SLC28A1: variants seen among roughly 807,000 people sequenced by gnomAD.
The protein encoded by SLC28A1 is sodium/nucleoside cotransporter 1.
SLC28A1 carries 64 observed loss-of-function variants against 74.8 expected under a neutral mutation model. That is an observed-to-expected ratio of 0.86 (90% CI 0.70 to 1.05). The LOEUF (loss-of-function observed/expected upper bound fraction) is 1.05. Ranked by LOEUF, SLC28A1 falls within the 50% of genes least tolerant of loss-of-function variation. The pLI is 0.00. For synonymous variants in SLC28A1, 359 were observed against 335.0 expected (o/e 1.07, Z -0.78); for missense variants, 828 against 822.8 (o/e 1.01, Z -0.08).
chr15:84,950,028 T>C (rs992089364), downstream of SLC28A1, among the ~76,000 whole-genome samples: 4 of 152,280 alleles, frequency 2.6e-5, no homozygotes, highest in East Asian at 7.7e-4. Context: ...AATGGTGGAA[T>C]GGGGACAATT....
chr15:84,957,354 C>T, the SLC28A1 span, among the ~76,000 whole-genome samples: 7 of 152,202 alleles, frequency 4.6e-5, no homozygotes, highest in East Asian at 1.3e-3. Flanking sequence ...GCAACCTCTG[C>T]CTCCTGGGTT....
intron 12 of SLC28A1, among the ~76,000 whole-genome samples, chr15:84,928,386 A>C (rs907468917): frequency 2.0e-5 from 3 of 151,540 alleles, no homozygotes; most frequent in Non-Finnish European, 4.4e-5. Flanking sequence ...CTGGCTCATG[A>C]CAGTCACTGC....
rs929898493 is a variant in SLC28A1 at position 84,906,563 on chromosome 15, T to G, written c.717+911T>G. Among the ~76,000 whole-genome samples, 185 of 68,030 alleles carry G rather than the reference T, an allele frequency of 2.7e-3. 8 individuals are homozygous for G. The highest frequency in any genetic ancestry group is 0.012 in the African/African-American group (179 of 15,076). The allele number at this position is 68,030 out of a possible 152,430, so 44.6% of individuals were successfully genotyped here. A position where few individuals can be genotyped will look rare whatever the true frequency, so the allele number is the denominator to read the frequency against. ...TTCTTTCTTTCTTTCTTTCTTTCTT[T>G]CTCTTTCTTTCTTCCTTCCTTCCTT... On this transcript the variant is annotated intron_variant, in intron 8 of 18. Transcript: ENST00000394573.
At chr15:84,950,608 G>A (rs1278719031), downstream of SLC28A1, among the ~76,000 whole-genome samples, 1 of 152,152 alleles carries the variant, frequency 6.6e-6, no homozygotes, top group African/African-American at 2.4e-5. Context: ...TCACGAGGTT[G>A]AGGTGGGAGG....
At chr15:84,940,119 C>T (rs1596359140) in intron 15 of SLC28A1, among the ~76,000 whole-genome samples, 2 of 152,170 alleles carry the variant, frequency 1.3e-5, no homozygotes, top group Admixed American at 6.5e-5. Flanking sequence ...TGAGCCACCA[C>T]GCCCGGCTCC....
chr15:84,938,853 A>G (rs1972299150), intron 15 of SLC28A1, among the ~76,000 whole-genome samples: 1 of 152,228 alleles, frequency 6.6e-6, no homozygotes, highest in Admixed American at 6.5e-5. Flanking sequence ...CGGATGAGCT[A>G]GGACAAGCTG....
the SLC28A1 span, among the ~76,000 whole-genome samples, chr15:84,970,477 AG>A: frequency 6.6e-6 from 1 of 152,138 alleles, no homozygotes; most frequent in South Asian, 2.1e-4. Flanking sequence ...GAAGTAGGTG[AG>A]GGGGGAATAG....
At chr15:84,941,296 C>T (rs1972657393) in intron 15 of SLC28A1, among the ~76,000 whole-genome samples, 1 of 150,980 alleles carries the variant, frequency 6.6e-6, no homozygotes, top group Non-Finnish European at 1.5e-5. Flanking sequence ...AGCTCTGCCT[C>T]CTGGGTTCAC....
the SLC28A1 span, among the ~76,000 whole-genome samples, chr15:84,968,237 G>A: frequency 6.6e-6 from 1 of 152,274 alleles, no homozygotes; most frequent in East Asian, 1.9e-4. Context: ...CTGCAGCATG[G>A]GGTAATAATA....
intron 12 of SLC28A1, among the ~76,000 whole-genome samples, chr15:84,924,968 T>A (rs1970312210): frequency 6.6e-6 from 1 of 150,982 alleles, no homozygotes; most frequent in African/African-American, 2.4e-5. Flanking sequence ...TGGCGCAATC[T>A]TGGCTGACTG....
chr15:84,918,747 G>C (rs1471018904), intron 10 of SLC28A1, 143 bp downstream of exon 10: 11 of 741,544 alleles, frequency 1.5e-5, no homozygotes, highest in Non-Finnish European at 2.4e-5. Flanking sequence ...AGAGTCCCCT[G>C]TTCCCAGTGC....
intron 11 of SLC28A1, among the ~76,000 whole-genome samples, chr15:84,922,761 G>T (rs1013919049): frequency 1.3e-5 from 2 of 152,252 alleles, no homozygotes; most frequent in African/African-American, 4.8e-5. Flanking sequence ...ATCTGCAGCA[G>T]ACATGCTGAC....
chr15:84,944,368 G>T (rs1360417475), intron 16 of SLC28A1, among the ~76,000 whole-genome samples, 198 bp from the exon 17 acceptor site: 1 of 152,068 alleles, frequency 6.6e-6, no homozygotes, highest in African/African-American at 2.4e-5. Flanking sequence ...GTAGGGAGAT[G>T]TGGGGCATTG....
At chr15:84,949,269 C>A (rs746217215), downstream of SLC28A1, among the ~76,000 whole-genome samples, 1 of 152,196 alleles carries the variant, frequency 6.6e-6, no homozygotes, top group African/African-American at 2.4e-5. Context: ...AGCCAGAACA[C>A]AGCATGGTAA....
chr15:84,889,455 A>G (rs4454944), intron 4 of SLC28A1, among the ~76,000 whole-genome samples: 8,178 of 152,028 alleles, frequency 0.054, 740 homozygotes, highest in African/African-American at 0.19. Flanking sequence ...TATGGGAAGA[A>G]TGCCTCCTCC....
chr15:84,895,924 A>G, intron 6 of SLC28A1: 1 of 996,578 alleles, frequency 1.0e-6, no homozygotes. Flanking sequence ...TGAGATCCAC[A>G]TACCACAGCA....
At chr15:84,903,847 G>A (rs1966849525) in intron 6 of SLC28A1, among the ~76,000 whole-genome samples, 1 of 152,104 alleles carries the variant, frequency 6.6e-6, no homozygotes, top group African/African-American at 2.4e-5. Context: ...GAGAAATGAG[G>A]GGTCTCTGGC....
rs370280905 is a variant in SLC28A1, at chr15:84,944,868, G to A, written c.1874+1G>A. The A allele has an allele frequency of 1.4e-5, 22 of 1,599,804 alleles. No individual in the cohort carries two copies. The African/African-American group carries it at 2.7e-4, about 19-fold the overall frequency. The stretch of plus-strand genomic sequence containing the variant: ...AGTGCTGCCGTGAGGCCTTCCAGAG[G>A]TGAGGGCCTGGGCTGTGGGACCTGC... On this transcript the variant is annotated splice_donor_variant, in intron 18 of 18. Coordinates refer to ENST00000394573, the MANE Select transcript of SLC28A1 (RefSeq NM_004213.5). LOFTEE classifies it high-confidence loss of function.
chr15:84,955,193 G>T, the SLC28A1 span, among the ~76,000 whole-genome samples: 2 of 152,246 alleles, frequency 1.3e-5, no homozygotes, highest in Admixed American at 1.3e-4. Flanking sequence ...ACAGCCATTC[G>T]AATCTTCCCC....
Sources: gnomAD v4.1 joint callset for allele counts (sites outside exome capture counted in the v4.1 genomes callset) on GRCh38, gnomAD v4.1.1 for gene constraint, MANE v1.5 for transcripts, NCBI Gene and HGNC (gene_info 2026-07-23, HGNC 2026-07-21) for gene names.